HUNK: variants seen among roughly 807,000 people sequenced by gnomAD.
The protein encoded by HUNK is hormonally up-regulated neu tumor-associated kinase.
In HUNK, 21 loss-of-function variants were observed where a neutral mutation model predicts 61.0. The observed-to-expected ratio is 0.34, with a 90% CI of 0.24 to 0.50. The LOEUF (loss-of-function observed/expected upper bound fraction) is 0.50. Ranked by LOEUF, HUNK falls within the 20% of genes least tolerant of loss-of-function variation. HUNK has a pLI of 0.98. For missense variants in HUNK, 772 were observed against 945.7 expected (o/e 0.82, Z 2.41); for synonymous variants, 371 against 386.1 (o/e 0.96, Z 0.46).
intron 8 of HUNK, among the ~76,000 whole-genome samples, chr21:31,988,676 TTTC>T (rs1193920524): frequency 1.3e-5 from 2 of 151,568 alleles, no homozygotes; most frequent in African/African-American, 4.8e-5. Context: ...TTTCTTTCTC[TTTC>T]TTTTCTTTTT....
chr21:31,935,708 T>G (rs1008310731), intron 2 of HUNK, among the ~76,000 whole-genome samples: 1 of 152,236 alleles, frequency 6.6e-6, no homozygotes, highest in Non-Finnish European at 1.5e-5. Context: ...AGCATGCATT[T>G]GACGTTCCTC....
chr21:31,954,490 A>G (rs2123837867), intron 4 of HUNK, among the ~76,000 whole-genome samples: 1 of 152,364 alleles, frequency 6.6e-6, no homozygotes, highest in East Asian at 1.9e-4. Flanking sequence ...ACCAAGAGTA[A>G]AAGAACCCCA....
chr21:31,909,583 C>T (rs1401670145), intron 1 of HUNK, among the ~76,000 whole-genome samples: 1 of 152,174 alleles, frequency 6.6e-6, no homozygotes, highest in Non-Finnish European at 1.5e-5. Flanking sequence ...CGAATTTTAG[C>T]TCAGCAGCAG....
chr21:31,982,310 G>A (rs936576504), intron 7 of HUNK, among the ~76,000 whole-genome samples: 1 of 152,166 alleles, frequency 6.6e-6, no homozygotes, highest in South Asian at 2.1e-4. Context: ...TACTCTAGGC[G>A]AGTGGCTGTT....
intron 1 of HUNK, among the ~76,000 whole-genome samples, chr21:31,878,862 C>A (rs2052285563): frequency 6.6e-6 from 1 of 152,148 alleles, no homozygotes; most frequent in African/African-American, 2.4e-5. Flanking sequence ...CCACTGTTAC[C>A]TTTTTTGTGA....
In HUNK at chr21:31,998,521, T is replaced by C; in HGVS notation, c.1487-5T>C. The C allele has an allele frequency of 6.4e-7, 1 of 1,573,428 alleles. No homozygotes were observed. The highest frequency in any genetic ancestry group is 1.2e-5 in the South Asian group (1 of 84,132). ...CATGATTGTTTATGCTTTCTTGGTGTGCAGATTCCTTTGGCTGCCGCAATA... is the reference window on the plus strand; with the variant it reads ...CATGATTGTTTATGCTTTCTTGGTGCGCAGATTCCTTTGGCTGCCGCAATA... On this transcript the variant is annotated splice_region_variant and splice_polypyrimidine_tract_variant and intron_variant, in intron 10 of 10. Coordinates refer to ENST00000270112, the MANE Select transcript of HUNK (RefSeq NM_014586.2).
In HUNK at chr21:32,001,856, A is replaced by G. The variant is rs979474121; in HGVS notation, c.*2672A>G. ...CCAGTCACCCTGTAGTTACTGACAGAAATTGACTGGACTGTCATTGTGTGA... is the reference window on the plus strand; with the variant it reads ...CCAGTCACCCTGTAGTTACTGACAGGAATTGACTGGACTGTCATTGTGTGA... On this transcript the variant is annotated 3_prime_UTR_variant, in exon 11 of 11. Coordinates refer to ENST00000270112, the MANE Select transcript of HUNK (RefSeq NM_014586.2). 3 of 152,666 alleles carry G rather than the reference A, an allele frequency of 2.0e-5. No homozygotes were observed. Among genetic ancestry groups the G allele is most frequent in the Non-Finnish European group, 4.4e-5 (3 of 68,044 alleles). 9.5% of individuals were successfully genotyped at this position (152,666 alleles called of 1,614,324 possible).
intron 8 of HUNK, among the ~76,000 whole-genome samples, chr21:31,987,145 G>C (rs1193984049): frequency 6.6e-6 from 1 of 152,204 alleles, no homozygotes; most frequent in Non-Finnish European, 1.5e-5. Context: ...AACCGGAATA[G>C]GTAGAACATT....
rs75715241 is a variant in HUNK, at chr21:31,889,753, T to G, written c.261+15818T>G. On this transcript the variant is annotated intron_variant, in intron 1 of 10. Transcript: ENST00000270112. Reference sequence around the variant, plus strand: ...GATGGCTATTTTACTCCCACCTAATTTATTACTCTGAGATGCTTTTTCCAA... The same window carrying G: ...GATGGCTATTTTACTCCCACCTAATGTATTACTCTGAGATGCTTTTTCCAA... 1.4e-4 allele frequency among the ~76,000 whole-genome samples: 22 copies of G among 152,222 alleles called. 1 individual carries two copies. In the East Asian group the frequency reaches 4.1e-3, roughly 28 times the overall value.
At chr21:31,975,307 C>G (rs558211558) in intron 7 of HUNK, among the ~76,000 whole-genome samples, 3 of 152,226 alleles carry the variant, frequency 2.0e-5, no homozygotes, top group African/African-American at 7.2e-5. Flanking sequence ...ACCCTGACAC[C>G]CTGTCCCCTT....
chr21:31,917,691 AACATACACACAC>A (rs60413857), intron 1 of HUNK, among the ~76,000 whole-genome samples: 1,485 of 54,606 alleles, frequency 0.027, 25 homozygotes, highest in Non-Finnish European at 0.035. Flanking sequence ...CCCATTCCCA[AACATACACACAC>A]ACACACACAC....
intron 10 of HUNK, 57 bp downstream of exon 10, chr21:31,996,005 T>G (rs2053203135): frequency 7.5e-7 from 1 of 1,331,654 alleles, no homozygotes; most frequent in Admixed American, 2.1e-5. Flanking sequence ...GTGTCCGCTG[T>G]GTAGCCCTCA....
At chr21:31,978,391 T>C (rs1308186255) in intron 7 of HUNK, among the ~76,000 whole-genome samples, 2 of 152,232 alleles carry the variant, frequency 1.3e-5, no homozygotes, top group African/African-American at 2.4e-5. Flanking sequence ...TTATTAACTA[T>C]AGTCACCACA....
At chr21:31,910,161 A>G (rs1307971800) in intron 1 of HUNK, among the ~76,000 whole-genome samples, 1 of 152,234 alleles carries the variant, frequency 6.6e-6, no homozygotes, top group Non-Finnish European at 1.5e-5. Flanking sequence ...AGTACAGTAA[A>G]TAACACAGAC....
rs557015979 is a variant in HUNK, at chr21:31,903,729, A to G, written c.262-20739A>G. On this transcript the variant is annotated intron_variant, in intron 1 of 10. Coordinates refer to ENST00000270112, the MANE Select transcript of HUNK (RefSeq NM_014586.2). The stretch of plus-strand genomic sequence containing the variant: ...AACGGAAACAAAAGTAAAACCCCCA[A>G]TTGTTCCTTCAGTGATCACAGTTTC... Among the ~76,000 whole-genome samples the G allele has an allele frequency of 1.3e-3, 195 of 152,306 alleles. 2 individuals carry two copies. Among genetic ancestry groups the G allele is most frequent in the African/African-American group, 4.5e-3 (187 of 41,580 alleles).
Position 31,911,388 on chromosome 21 carries a change from A to T in HUNK, c.262-13080A>T, listed in dbSNP as rs995896421. Reference sequence around the variant, plus strand: ...GGTGAGTCAGGGAAGCTTCTCTGAGAGCTGACATTTCGTCAGGATCTTAGA... The same window carrying T: ...GGTGAGTCAGGGAAGCTTCTCTGAGTGCTGACATTTCGTCAGGATCTTAGA... On this transcript the variant is annotated intron_variant, in intron 1 of 10. Coordinates refer to ENST00000270112, the MANE Select transcript of HUNK (RefSeq NM_014586.2). Among the ~76,000 whole-genome samples, 6 of 152,290 alleles carry T rather than the reference A, an allele frequency of 3.9e-5. No individual in the cohort carries two copies. In the East Asian group the frequency reaches 5.8e-4, roughly 15 times the overall value.
At position 31,974,800 on chromosome 21, in the gene HUNK, C is replaced by T. The variant is rs2053037345; in HGVS notation, c.1173+83C>T. Reference sequence around the variant, plus strand: ...ACCCAAAGTGCTTCTCAGTTGCTGACACTTGATCCAAGCTGCTAATTTAAT... The same window carrying T: ...ACCCAAAGTGCTTCTCAGTTGCTGATACTTGATCCAAGCTGCTAATTTAAT... On this transcript the variant is annotated intron_variant, in intron 7 of 10. Coordinates refer to ENST00000270112, the MANE Select transcript of HUNK (RefSeq NM_014586.2). 5 of 1,303,170 alleles carry T rather than the reference C, an allele frequency of 3.8e-6. No homozygotes were observed. The South Asian group carries it at 4.7e-5, about 12-fold the overall frequency. 80.7% of individuals were successfully genotyped at this position (1,303,170 alleles called of 1,614,324 possible). A position where few individuals can be genotyped will look rare whatever the true frequency, so the allele number is the denominator to read the frequency against.
intron 6 of HUNK, among the ~76,000 whole-genome samples, chr21:31,969,529 C>T (rs963503): frequency 0.6 from 91,883 of 151,894 alleles, 28,274 homozygotes; most frequent in African/African-American, 0.72. Flanking sequence ...CTTCTCCATG[C>T]TGGTGCGCTA....
At chr21:31,987,201 G>A (rs2123248596) in intron 8 of HUNK, among the ~76,000 whole-genome samples, 1 of 152,312 alleles carries the variant, frequency 6.6e-6, no homozygotes, top group East Asian at 1.9e-4. Flanking sequence ...GATACCTGCA[G>A]CCTAGCACAC....
Sources: gnomAD v4.1 joint callset for allele counts (sites outside exome capture counted in the v4.1 genomes callset) on GRCh38, gnomAD v4.1.1 for gene constraint, MANE v1.5 for transcripts, NCBI Gene and HGNC (gene_info 2026-07-23, HGNC 2026-07-21) for gene names.